TBC1D8: variants seen among roughly 807,000 people sequenced by gnomAD.
TBC1D8 encodes the protein BUB2-like protein 1.
In TBC1D8, 65 loss-of-function variants were observed where a neutral mutation model predicts 118.8. That is an observed-to-expected ratio of 0.55 (90% CI 0.45 to 0.67). The LOEUF is 0.67. TBC1D8 is among the 30% of genes least tolerant of loss of function. TBC1D8 has a pLI of 0.00. For missense variants in TBC1D8, 1,376 were observed against 1,471.2 expected (o/e 0.94, Z 1.06); for synonymous variants, 566 against 595.8 (o/e 0.95, Z 0.73).
intron 1 of TBC1D8, among the ~76,000 whole-genome samples, chr2:101,096,348 T>A (rs1225332016): frequency 1.7e-5 from 2 of 119,108 alleles, no homozygotes; most frequent in East Asian, 5.9e-4. Context: ...TGAGCCAGAA[T>A]AACACAAAAC....
chr2:101,118,838 T>C (rs553536332), intron 1 of TBC1D8, among the ~76,000 whole-genome samples: 1 of 151,964 alleles, frequency 6.6e-6, no homozygotes, highest in African/African-American at 2.4e-5. Context: ...TGAAACCCCA[T>C]CTCTACGAAG....
Position 101,007,734 on chromosome 2 carries a change from A to C in TBC1D8, c.*87T>G. On this transcript the variant is annotated 3_prime_UTR_variant, in exon 20 of 20. Transcript: ENST00000409318. ...ATGCCCCATTGGTAAGGTAGACTGA[A>C]ATCTCGGTTTAGGGCTGACCCCAAG... 1 of 1,388,532 alleles carries C rather than the reference A, an allele frequency of 7.2e-7. No homozygotes were observed. Among genetic ancestry groups the C allele is most frequent in the South Asian group, 1.4e-5 (1 of 73,980 alleles). The allele number at this position is 1,388,532 out of a possible 1,614,324, so 86.0% of individuals were successfully genotyped here.
intron 15 of TBC1D8, among the ~76,000 whole-genome samples, chr2:101,025,797 C>T (rs1680305721): frequency 6.6e-6 from 1 of 152,204 alleles, no homozygotes; most frequent in Non-Finnish European, 1.5e-5. Flanking sequence ...TTTCAGGCCC[C>T]AATGGCTCCA....
rs1680811535 is a variant in TBC1D8, at chr2:101,033,636, G to A, written c.1726C>T (p.His576Tyr). The A allele has an allele frequency of 6.2e-7, 1 of 1,613,988 alleles. No individual in the cohort carries two copies. The highest frequency in any genetic ancestry group is 8.5e-7 in the Non-Finnish European group (1 of 1,179,892). The change falls in exon 10 of 20, where the codon CAC becomes TAC. Residue 576 changes from histidine (H) to tyrosine (Y), a missense_variant. Coordinates refer to ENST00000409318, the MANE Select transcript of TBC1D8 (RefSeq NM_001330348.2). ...ERDLHRSLPE[H>Y]PAFQNETGIA... ...CCCGTTTCGTTCTGGAAGGCGGGGTGCTCTGGCAGGGAGCGGTGCAGGTCT... is the reference window on the plus strand; with the variant it reads ...CCCGTTTCGTTCTGGAAGGCGGGGTACTCTGGCAGGGAGCGGTGCAGGTCT...
At chr2:101,054,661 TCTTTTC>T (rs1558658903) in intron 3 of TBC1D8, among the ~76,000 whole-genome samples, 1 of 40,572 alleles carries the variant, frequency 2.5e-5, no homozygotes, top group African/African-American at 1.1e-4. Context: ...ACAATCATTT[TCTTTTC>T]TTTTCTTTTT....
chr2:101,113,930 C>T (rs1308946048), intron 1 of TBC1D8, among the ~76,000 whole-genome samples: 1 of 152,164 alleles, frequency 6.6e-6, no homozygotes, highest in African/African-American at 2.4e-5. Context: ...GCTCACCAAG[C>T]TACATGCATT....
rs534895635 is a variant in TBC1D8, at chr2:101,114,898, C to T, written c.128-24534G>A. ...CAAACACCCAGAACAGGGGTGCCAC[C>T]CCACGGAAATAAGGAAGTGCAGTTG... On this transcript the variant is annotated intron_variant, in intron 1 of 19. Coordinates refer to ENST00000409318, the MANE Select transcript of TBC1D8 (RefSeq NM_001330348.2). 5.5e-4 allele frequency among the ~76,000 whole-genome samples: 84 copies of T among 152,240 alleles called. 1 individual carries two copies. Among genetic ancestry groups the T allele is most frequent in the African/African-American group, 2.0e-3 (82 of 41,534 alleles).
intron 1 of TBC1D8, among the ~76,000 whole-genome samples, chr2:101,146,542 GT>G (rs1179440986): frequency 8.5e-5 from 13 of 152,106 alleles, no homozygotes; most frequent in Admixed American, 8.5e-4. Context: ...CAGCTGGGTG[GT>G]GATATTTGTT....
At chr2:101,015,210 G>C (rs1679533085) in intron 17 of TBC1D8, among the ~76,000 whole-genome samples, 1 of 152,028 alleles carries the variant, frequency 6.6e-6, no homozygotes, top group Non-Finnish European at 1.5e-5. Context: ...CTATCTAAAT[G>C]TAGAAAAGGT....
At chr2:101,045,447 C>G (rs1681638983) in intron 5 of TBC1D8, among the ~76,000 whole-genome samples, 1 of 152,198 alleles carries the variant, frequency 6.6e-6, no homozygotes, top group East Asian at 1.9e-4. Flanking sequence ...ATCCAAGAGC[C>G]TACTGTGTGT....
intron 1 of TBC1D8, among the ~76,000 whole-genome samples, chr2:101,095,595 T>C (rs190225416): frequency 5.3e-4 from 81 of 152,242 alleles, no homozygotes; most frequent in African/African-American, 1.7e-3. Flanking sequence ...TCATTTTTTA[T>C]GGCTGCATGG....
intron 19 of TBC1D8, among the ~76,000 whole-genome samples, chr2:101,008,975 G>T (rs115562157): frequency 6.6e-6 from 1 of 152,246 alleles, no homozygotes; most frequent in Non-Finnish European, 1.5e-5. Flanking sequence ...AAATGAAATG[G>T]AAGAGTGATG....
intron 1 of TBC1D8, among the ~76,000 whole-genome samples, chr2:101,105,935 T>C (rs1255516428): frequency 6.6e-6 from 1 of 152,158 alleles, no homozygotes; most frequent in Non-Finnish European, 1.5e-5. Context: ...GGCAGCTTTA[T>C]TCATAATTAT....
chr2:101,067,394 T>C (rs1190566989), intron 2 of TBC1D8, among the ~76,000 whole-genome samples: 4 of 152,240 alleles, frequency 2.6e-5, no homozygotes, highest in African/African-American at 7.2e-5. Flanking sequence ...GTGGGGGACG[T>C]TGAGATCAGG....
At chr2:101,132,104 G>A (rs1296218743) in intron 1 of TBC1D8, among the ~76,000 whole-genome samples, 1 of 152,168 alleles carries the variant, frequency 6.6e-6, no homozygotes, top group African/African-American at 2.4e-5. Context: ...ACTAAAATAA[G>A]ACAGAGAACA....
chr2:101,092,414 G>C (rs1676099783), intron 1 of TBC1D8, among the ~76,000 whole-genome samples: 1 of 152,140 alleles, frequency 6.6e-6, no homozygotes, highest in South Asian at 2.1e-4. Context: ...GGGCTGCCAG[G>C]CTCCTGCACT....
intron 2 of TBC1D8, among the ~76,000 whole-genome samples, chr2:101,062,140 G>A (rs1394626334): frequency 6.6e-6 from 1 of 152,222 alleles, no homozygotes; most frequent in Non-Finnish European, 1.5e-5. Context: ...CAGCAATGGT[G>A]TCTCTCTATC....
At position 101,037,818 on chromosome 2, in the gene TBC1D8, T is replaced by G. The variant is rs1231167617; in HGVS notation, c.1276-110A>C. Reference sequence around the variant, plus strand: ...CTTTGGATGCACGGGCATAGCAGACTTCAATGACTCAGGGGGAAGACAGAC... The same window carrying G: ...CTTTGGATGCACGGGCATAGCAGACGTCAATGACTCAGGGGGAAGACAGAC... On this transcript the variant is annotated intron_variant, in intron 7 of 19. Coordinates refer to ENST00000409318, the MANE Select transcript of TBC1D8 (RefSeq NM_001330348.2). The G allele has an allele frequency of 2.2e-6, 3 of 1,347,666 alleles. No individual in the cohort carries two copies. In the East Asian group the frequency reaches 7.0e-5, roughly 31 times the overall value. 83.5% of individuals were successfully genotyped at this position (1,347,666 alleles called of 1,614,324 possible).
chr2:101,127,113 G>C (rs1388560059), intron 1 of TBC1D8, among the ~76,000 whole-genome samples: 6 of 152,118 alleles, frequency 3.9e-5, no homozygotes, highest in Non-Finnish European at 1.5e-5. Flanking sequence ...GAGGCAGGTG[G>C]ATCACGAGGT....
Sources: gnomAD v4.1 joint callset for allele counts (sites outside exome capture counted in the v4.1 genomes callset) on GRCh38, gnomAD v4.1.1 for gene constraint, MANE v1.5 for transcripts, NCBI Gene and HGNC (gene_info 2026-07-23, HGNC 2026-07-21) for gene names.